JPH1: variants seen among roughly 807,000 people sequenced by gnomAD.
JPH1 encodes the protein junctophilin-1.
Under a neutral mutation model 53.6 loss-of-function variants are expected in JPH1, and 12 were observed. The ratio of observed to expected loss-of-function variants is 0.22; its 90% CI spans 0.14 to 0.36. The LOEUF (loss-of-function observed/expected upper bound fraction) is 0.36. JPH1 is among the 10% of genes least tolerant of loss of function. The pLI, the probability that JPH1 is intolerant of heterozygous loss-of-function variation, is 1.00. For synonymous variants in JPH1, 375 were observed against 363.8 expected (o/e 1.03, Z -0.35); for missense variants, 808 against 905.5 (o/e 0.89, Z 1.38).
chr8:74,242,826 C>T (rs1334338354), intron 4 of JPH1, among the ~76,000 whole-genome samples: 1 of 152,196 alleles, frequency 6.6e-6, no homozygotes, highest in Non-Finnish European at 1.5e-5. Flanking sequence ...ATGGAGGATG[C>T]TTGTCTAACT....
chr8:74,247,934 A>G (rs1489794326), intron 3 of JPH1, among the ~76,000 whole-genome samples: 1 of 152,242 alleles, frequency 6.6e-6, no homozygotes, highest in East Asian at 1.9e-4. Flanking sequence ...CACCATCAGT[A>G]TAGGTGGATA....
At chr8:74,306,506 T>C (rs941673766) in intron 2 of JPH1, among the ~76,000 whole-genome samples, 1 of 152,156 alleles carries the variant, frequency 6.6e-6, no homozygotes, top group African/African-American at 2.4e-5. Context: ...AGAAGTTTGG[T>C]TGAAACACCC....
chr8:74,256,771 C>T (rs1806252251), intron 3 of JPH1, among the ~76,000 whole-genome samples: 2 of 152,236 alleles, frequency 1.3e-5, no homozygotes, highest in South Asian at 4.1e-4. Context: ...CAGAATAATG[C>T]AGTTTTAAAC....
intron 3 of JPH1, among the ~76,000 whole-genome samples, chr8:74,248,269 T>C (rs768918066): frequency 6.6e-6 from 1 of 152,204 alleles, no homozygotes; most frequent in Middle Eastern, 3.2e-3. Flanking sequence ...ACTAGAATGG[T>C]GGAAGTACAT....
At position 74,244,675 on chromosome 8, in the gene JPH1, T is replaced by C; in HGVS notation, c.1759A>G (p.Asn587Asp). 6.2e-7 allele frequency: 1 copy of C among 1,614,212 alleles called. No homozygotes were observed. ...SSALVHKPSANKWSPSKSVTK... is the reference protein window; with the variant it reads ...SSALVHKPSADKWSPSKSVTK... The stretch of plus-strand genomic sequence containing the variant: ...ACAGATTTGGAGGGACTCCACTTGT[T>C]AGCGGATGGCTTGTGCACCAGTGCT... Residue 587 changes from asparagine to aspartate, a missense_variant, in exon 4 of 6, where the codon AAC becomes GAC. Around this residue, in one of 2 missense-constraint regions of JPH1, gnomAD observed 756 missense variants for 811.9 expected, o/e 0.93. Transcript: ENST00000342232.
At chr8:74,306,912 A>G (rs1807853533) in intron 2 of JPH1, among the ~76,000 whole-genome samples, 1 of 152,168 alleles carries the variant, frequency 6.6e-6, no homozygotes, top group African/African-American at 2.4e-5. Flanking sequence ...TAACATACTT[A>G]ATATAAAGGT....
intron 2 of JPH1, among the ~76,000 whole-genome samples, chr8:74,311,774 G>C (rs1202537414): frequency 6.7e-6 from 1 of 148,912 alleles, no homozygotes; most frequent in East Asian, 2.0e-4. Context: ...TGTGGTGTTT[G>C]GTTTTTTGTC....
At position 74,237,026 on chromosome 8, in the gene JPH1, C is replaced by G. The variant is rs1586726372; in HGVS notation, c.*25G>C. The G allele has an allele frequency of 1.8e-6, 1 of 545,352 alleles. No homozygotes were observed. Among genetic ancestry groups the G allele is most frequent in the Admixed American group, 3.4e-5 (1 of 29,208 alleles). 33.8% of individuals were successfully genotyped at this position (545,352 alleles called of 1,614,324 possible). A position where few individuals can be genotyped will look rare whatever the true frequency, so the allele number is the denominator to read the frequency against. ...TGTGGGCTAACACACCACTAGTTGTCAGGACTTCACTGAAGGGTCAAAACA... is the reference window on the plus strand; with the variant it reads ...TGTGGGCTAACACACCACTAGTTGTGAGGACTTCACTGAAGGGTCAAAACA... On this transcript the variant is annotated 3_prime_UTR_variant, in exon 6 of 6. Coordinates refer to ENST00000342232, the MANE Select transcript of JPH1 (RefSeq NM_020647.4).
chr8:74,251,277 C>A (rs570525258), intron 3 of JPH1, among the ~76,000 whole-genome samples: 20 of 152,234 alleles, frequency 1.3e-4, no homozygotes, highest in Non-Finnish European at 2.4e-4. Flanking sequence ...CCTTGGGTGA[C>A]CAATTTTTCT....
chr8:74,253,553 T>G (rs1239979804), intron 3 of JPH1, among the ~76,000 whole-genome samples: 1 of 151,840 alleles, frequency 6.6e-6, no homozygotes, highest in Non-Finnish European at 1.5e-5. Context: ...AGAGCAGAAC[T>G]GAAGGAAATA....
At chr8:74,300,006 A>G (rs959061373) in intron 2 of JPH1, among the ~76,000 whole-genome samples, 6 of 152,244 alleles carry the variant, frequency 3.9e-5, no homozygotes, top group African/African-American at 1.4e-4. Flanking sequence ...TCACTTACGG[A>G]ATTAAACAGT....
rs373765656 is a variant in JPH1 at position 74,244,598 on chromosome 8, A to G, written c.1836T>C (p.Ser612=). ...ESKAEPKAKK[S]ELAIPKNPAS... is the part of the protein sequence containing the mutation. ...CTGGATTCTTTGGTATAGCAAGTTC[A>G]GACTTCTTAGCTTTTGGCTCAGCTT... Residue 612 remains serine (S), a synonymous_variant, in exon 4 of 6, where the codon TCT becomes TCC. Transcript: ENST00000342232. 6.2e-7 allele frequency: 1 copy of G among 1,614,072 alleles called. No homozygotes were observed. Among genetic ancestry groups the G allele is most frequent in the African/African-American group, 1.3e-5 (1 of 74,924 alleles).
At chr8:74,246,383 A>G (rs901767336) in intron 3 of JPH1, among the ~76,000 whole-genome samples, 1 of 152,240 alleles carries the variant, frequency 6.6e-6, no homozygotes, top group Non-Finnish European at 1.5e-5. Context: ...AAAGATTTAC[A>G]GAGGGACTGA....
chr8:74,309,299 A>T lies in JPH1; in HGVS notation c.1139+5562T>A, dbSNP rs185567430. ...GTCTACAAAATGGAAGTTACCTACT[A>T]ACTTGCTAACCTCCTCACTTTATAG... On this transcript the variant is annotated intron_variant, in intron 2 of 5. Transcript: ENST00000342232. Among the ~76,000 whole-genome samples the T allele has an allele frequency of 3.3e-5, 5 of 152,324 alleles. No homozygotes were observed. The East Asian group carries it at 7.7e-4, about 24-fold the overall frequency.
intron 3 of JPH1, 27 bp from the exon 4 acceptor site, chr8:74,245,202 A>G (rs1482454720): frequency 1.3e-6 from 2 of 1,540,054 alleles, no homozygotes; most frequent in South Asian, 2.6e-5. Flanking sequence ...GAAAAAAGAA[A>G]AAAAGAAAGG....
intron 3 of JPH1, among the ~76,000 whole-genome samples, chr8:74,256,105 C>T (rs998654387): frequency 2.6e-5 from 4 of 152,206 alleles, no homozygotes. Flanking sequence ...ATGTTTATTG[C>T]AGCACTATTG....
chr8:74,234,840 A>G lies in JPH1; in HGVS notation c.*2211T>C, dbSNP rs926195301. On this transcript the variant is annotated 3_prime_UTR_variant, in exon 6 of 6. Coordinates refer to ENST00000342232, the MANE Select transcript of JPH1 (RefSeq NM_020647.4). ...TCACAGCAAGAAACTTTAAATAAAC[A>G]AAGTCATGTTTTATTAAGTACATTG... 6.6e-6 allele frequency: 1 copy of G among 152,642 alleles called. No homozygotes were observed. Among genetic ancestry groups the G allele is most frequent in the African/African-American group, 2.4e-5 (1 of 41,466 alleles). The allele number at this position is 152,642 out of a possible 1,614,324, so 9.5% of individuals were successfully genotyped here. A position where few individuals can be genotyped will look rare whatever the true frequency, so the allele number is the denominator to read the frequency against.
chr8:74,308,211 C>T (rs1337106103), intron 2 of JPH1, among the ~76,000 whole-genome samples: 3 of 152,168 alleles, frequency 2.0e-5, no homozygotes, highest in Admixed American at 6.5e-5. Flanking sequence ...AGCTGACTTC[C>T]TGGAGTTTCC....
intron 2 of JPH1, among the ~76,000 whole-genome samples, chr8:74,278,984 C>CGT (rs201631299): frequency 0.26 from 38,272 of 147,424 alleles, 5,216 homozygotes; most frequent in South Asian, 0.41. Flanking sequence ...CACACGCACA[C>CGT]GCGCGCACAC....
Sources: allele counts gnomAD v4.1 joint callset (sites outside exome capture counted in the v4.1 genomes callset), GRCh38; gene constraint gnomAD v4.1.1; regional missense constraint gnomAD v4.1.1; transcripts MANE v1.5; gene names NCBI Gene and HGNC (gene_info 2026-07-23, HGNC 2026-07-21).